The following SPINK13 variants were observed in gnomAD, a reference collection of about 807,000 sequenced individuals.
SPINK13 encodes serine peptidase inhibitor Kazal type 13.
Under a neutral mutation model 11.0 loss-of-function variants are expected in SPINK13, and 11 were observed. That is an observed-to-expected ratio of 1.00 (90% CI 0.63 to 1.65). The LOEUF is 1.65. SPINK13 is among the 40% of genes most tolerant of loss of function. SPINK13 has a pLI of 0.00. For synonymous variants in SPINK13, 31 were observed against 35.6 expected, an observed-to-expected ratio of 0.87 and a Z score of 0.46; for missense variants, 113 against 117.7, an observed-to-expected ratio of 0.96 and a Z score of 0.19.
rs1756588605 is a variant in SPINK13 at position 148,286,179 on chromosome 5, C to A, written c.*131C>A. On this transcript the variant is annotated 3_prime_UTR_variant, in exon 5 of 5. Coordinates refer to ENST00000398450, the MANE Select transcript of SPINK13 (RefSeq NM_001040129.3). ...CTTAAATGTCGAACAAAATGAGAGA[C>A]AAAAATGAAGGAATCAAACTGACAA... 1 of 494,244 alleles carries A rather than the reference C, an allele frequency of 2.0e-6. No individual in the cohort carries two copies. The highest frequency in any genetic ancestry group is 3.4e-6 in the Non-Finnish European group (1 of 294,106). The allele number at this position is 494,244 out of a possible 1,614,324, so 30.6% of individuals were successfully genotyped here.
intron 2 of SPINK13, among the ~76,000 whole-genome samples, chr5:148,271,658 G>A (rs1195723449): frequency 6.6e-6 from 1 of 151,710 alleles, no homozygotes; most frequent in Non-Finnish European, 1.5e-5. Flanking sequence ...GTTTTGTTCT[G>A]TTGGAGACGG....
At chr5:148,279,091 C>CTTTTTTT (rs746029113) in intron 3 of SPINK13, among the ~76,000 whole-genome samples, 19 of 51,680 alleles carry the variant, frequency 3.7e-4, no homozygotes, top group East Asian at 8.6e-4. Context: ...GCAACCCCTG[C>CTTTTTTT]TTTTTTTTTT....
rs1581170171 is a variant in SPINK13 at position 148,285,914 on chromosome 5, T to C, written c.237-86T>C. 8 of 743,102 alleles carry C rather than the reference T, an allele frequency of 1.1e-5. No homozygotes were observed. The East Asian group carries it at 2.5e-4, about 24-fold the overall frequency. The allele number at this position is 743,102 out of a possible 1,614,324, so 46.0% of individuals were successfully genotyped here. A position where few individuals can be genotyped will look rare whatever the true frequency, so the allele number is the denominator to read the frequency against. ...TAAAAGCAGCTCCCTTTTCAGGACC[T>C]CTTTTAGAAGATAAGGAAAAGTACA... On this transcript the variant is annotated intron_variant, in intron 4 of 4. Coordinates refer to ENST00000398450, the MANE Select transcript of SPINK13 (RefSeq NM_001040129.3).
chr5:148,270,748 A>G (rs191976377), intron 2 of SPINK13: 1 of 152,402 alleles, frequency 6.6e-6, no homozygotes, highest in Non-Finnish European at 1.5e-5. Flanking sequence ...TTGAAAAATT[A>G]TACTGGACTA....
intron 4 of SPINK13, 39 bp downstream of exon 4, chr5:148,282,270 C>T (rs754156340): frequency 2.5e-6 from 4 of 1,605,390 alleles, no homozygotes; most frequent in Non-Finnish European, 3.4e-6. Flanking sequence ...TTTCCCTCTA[C>T]TTCTTCACAG....
At position 148,286,069 on chromosome 5, in the gene SPINK13, C is replaced by A; in HGVS notation, c.*21C>A. ...ATTAATGGGTACCAGAGTAACTACA[C>A]TTGCTTATTCTTTTTCTACTTAATT... On this transcript the variant is annotated 3_prime_UTR_variant, in exon 5 of 5. Coordinates refer to ENST00000398450, the MANE Select transcript of SPINK13 (RefSeq NM_001040129.3). 1.5e-6 allele frequency: 2 copies of A among 1,371,994 alleles called. No individual in the cohort carries two copies. The highest frequency in any genetic ancestry group is 2.0e-6 in the Non-Finnish European group (2 of 1,006,572). 85.0% of individuals were successfully genotyped at this position (1,371,994 alleles called of 1,614,324 possible). A position where few individuals can be genotyped will look rare whatever the true frequency, so the allele number is the denominator to read the frequency against.
chr5:148,276,901 T>C (rs376979350), intron 3 of SPINK13, among the ~76,000 whole-genome samples: 1 of 152,196 alleles, frequency 6.6e-6, no homozygotes, highest in East Asian at 1.9e-4. Flanking sequence ...ATTCTTCCTA[T>C]CCATGAGTAT....
chr5:148,274,428 T>C (rs1309001196), intron 3 of SPINK13, 44 bp downstream of exon 3: 1 of 1,508,322 alleles, frequency 6.6e-7, no homozygotes, highest in African/African-American at 1.4e-5. Flanking sequence ...TCTAGTCTAA[T>C]CACTCTCCAG....
Position 148,284,656 on chromosome 5 carries a change from A to C in SPINK13, c.237-1344A>C, listed in dbSNP as rs1756565179. 5.9e-5 allele frequency among the ~76,000 whole-genome samples: 9 copies of C among 152,274 alleles called. No individual in the cohort carries two copies. The South Asian group carries it at 1.9e-3, about 32-fold the overall frequency. ...GAAGAATAGTCCTAATGCTCTTTTG[A>C]ACAATAGGAGGAGAAGGGTAATTCC... On this transcript the variant is annotated intron_variant, in intron 4 of 4. Coordinates refer to ENST00000398450, the MANE Select transcript of SPINK13 (RefSeq NM_001040129.3).
At chr5:148,280,987 A>C (rs892515258) in intron 3 of SPINK13, among the ~76,000 whole-genome samples, 2 of 152,126 alleles carry the variant, frequency 1.3e-5, no homozygotes, top group Non-Finnish European at 2.9e-5. Flanking sequence ...CTGCCCAGAG[A>C]GGAGAAATCT....
At chr5:148,273,516 A>G (rs56829637) in intron 2 of SPINK13, among the ~76,000 whole-genome samples, 14,698 of 152,090 alleles carry the variant, frequency 0.097, 1,910 homozygotes, top group African/African-American at 0.28. Flanking sequence ...TTATAACTAT[A>G]TCCAGCTACT....
At chr5:148,284,933 G>C (rs1756569020) in intron 4 of SPINK13, among the ~76,000 whole-genome samples, 1 of 152,138 alleles carries the variant, frequency 6.6e-6, no homozygotes, top group African/African-American at 2.4e-5. Flanking sequence ...CTCTTAAAAA[G>C]CTTGTGGTCT....
intron 2 of SPINK13, among the ~76,000 whole-genome samples, chr5:148,273,130 G>A (rs1660300491): frequency 6.6e-6 from 1 of 151,998 alleles, no homozygotes. Context: ...ATGTATGCTT[G>A]CATAAATTAT....
At chr5:148,273,822 T>C (rs1756384827) in intron 2 of SPINK13, among the ~76,000 whole-genome samples, 1 of 152,196 alleles carries the variant, frequency 6.6e-6, no homozygotes, top group Admixed American at 6.5e-5. Context: ...AGGCAGCTAG[T>C]CACCCTCTGT....
chr5:148,282,398 TC>T (rs1303802969), intron 4 of SPINK13, among the ~76,000 whole-genome samples, 167 bp downstream of exon 4: 1 of 147,452 alleles, frequency 6.8e-6, no homozygotes, highest in Non-Finnish European at 1.5e-5. Context: ...GAAGAAAGTC[TC>T]CTAGAATTTA....
At position 148,286,191 on chromosome 5, in the gene SPINK13, A is replaced by T. The variant is rs560421671; in HGVS notation, c.*143A>T. 4.5e-6 allele frequency: 2 copies of T among 446,322 alleles called. No individual in the cohort carries two copies. The highest frequency in any genetic ancestry group is 1.0e-4 in the South Asian group (2 of 19,214). 27.6% of individuals were successfully genotyped at this position (446,322 alleles called of 1,614,324 possible). A position where few individuals can be genotyped will look rare whatever the true frequency, so the allele number is the denominator to read the frequency against. ...ACAAAATGAGAGACAAAAATGAAGGAATCAAACTGACAAGAACCAAATATC... is the reference window on the plus strand; with the variant it reads ...ACAAAATGAGAGACAAAAATGAAGGTATCAAACTGACAAGAACCAAATATC... On this transcript the variant is annotated 3_prime_UTR_variant, in exon 5 of 5. Transcript: ENST00000398450.
At chr5:148,271,571 A>G (rs77411953) in intron 2 of SPINK13, among the ~76,000 whole-genome samples, 2,534 of 152,012 alleles carry the variant, frequency 0.017, 71 homozygotes, top group African/African-American at 0.056. Context: ...TATACACATC[A>G]TGGAAAATAT....
chr5:148,275,756 G>A (rs1756417885), intron 3 of SPINK13, among the ~76,000 whole-genome samples: 1 of 151,880 alleles, frequency 6.6e-6, no homozygotes, highest in Admixed American at 6.6e-5. Context: ...CACCTCCTGG[G>A]TTCACACCAT....
chr5:148,281,087 G>GT (rs1256325268), intron 3 of SPINK13, among the ~76,000 whole-genome samples: 2 of 152,138 alleles, frequency 1.3e-5, no homozygotes, highest in Admixed American at 6.5e-5. Flanking sequence ...ACACTGTGAG[G>GT]GGAAAACCAC....
Sources: gnomAD v4.1 joint callset for allele counts (sites outside exome capture counted in the v4.1 genomes callset) on GRCh38, gnomAD v4.1.1 for gene constraint, MANE v1.5 for transcripts, NCBI Gene and HGNC (gene_info 2026-07-23, HGNC 2026-07-21) for gene names.